PRKX: variants seen among roughly 807,000 people sequenced by gnomAD.
PRKX encodes the protein cAMP-dependent protein kinase catalytic subunit PRKX.
PRKX carries 12 observed loss-of-function variants against 22.0 expected under a neutral mutation model. The observed-to-expected ratio is 0.54, with a 90% CI of 0.35 to 0.88. The LOEUF (loss-of-function observed/expected upper bound fraction) is 0.88. PRKX is among the 40% of genes least tolerant of loss of function. The pLI is 0.01. For missense variants in PRKX, 217 were observed against 308.0 expected, an observed-to-expected ratio of 0.70 and a Z score of 2.21; for synonymous variants, 134 against 137.7, an observed-to-expected ratio of 0.97 and a Z score of 0.19.
chrX:3,665,865 G>A (rs1276048564), intron 2 of PRKX, among the ~76,000 whole-genome samples: 1 of 105,233 alleles, frequency 9.5e-6, no homozygotes, highest in Non-Finnish European at 1.9e-5. Context: ...GGGCAATAAG[G>A]CGTGTTTCAT....
At chrX:3,697,809 G>A (rs964868127) in intron 1 of PRKX, among the ~76,000 whole-genome samples, 1 of 111,433 alleles carries the variant, frequency 9.0e-6, no homozygotes, top group Non-Finnish European at 1.9e-5. Flanking sequence ...CCTCGGCCGC[G>A]CAAAATGCTG....
At chrX:3,623,899 T>C (rs1926609126) in intron 5 of PRKX, among the ~76,000 whole-genome samples, 1 of 112,194 alleles carries the variant, frequency 8.9e-6, no homozygotes, top group Non-Finnish European at 1.9e-5. Context: ...TTGTTTTAAA[T>C]GATATTTATT....
At chrX:3,655,112 G>C (rs1477838092) in intron 3 of PRKX, 37 bp downstream of exon 3, 9 of 1,204,632 alleles carry the variant, frequency 7.5e-6, no homozygotes, top group Non-Finnish European at 9.0e-6. Context: ...TCATTGCCAA[G>C]CAGTGTAGAT....
At chrX:3,708,639 C>A (rs187236283) in intron 1 of PRKX, among the ~76,000 whole-genome samples, 1 of 108,495 alleles carries the variant, frequency 9.2e-6, no homozygotes, top group Non-Finnish European at 1.9e-5. Context: ...CCAAGGCGGG[C>A]GGATCGCCTG....
At chrX:3,683,115 G>T (rs1321874429) in intron 1 of PRKX, among the ~76,000 whole-genome samples, 1 of 112,309 alleles carries the variant, frequency 8.9e-6, no homozygotes, top group Non-Finnish European at 1.9e-5. Context: ...TGCCGCATCT[G>T]CACTTCAGAG....
intron 3 of PRKX, among the ~76,000 whole-genome samples, chrX:3,645,041 G>A (rs1927160446): frequency 8.9e-6 from 1 of 111,743 alleles, no homozygotes; most frequent in Non-Finnish European, 1.9e-5. Context: ...AAGCCCCAAC[G>A]CCTAGCTGAA....
chrX:3,621,128 G>T, intron 6 of PRKX, 131 bp downstream of exon 6: 1 of 496,364 alleles, frequency 2.0e-6, no homozygotes, highest in Non-Finnish European at 3.3e-6. Context: ...TAAAACACCA[G>T]ATTTGAAATT....
At chrX:3,692,719 G>C (rs1041445391) in intron 1 of PRKX, among the ~76,000 whole-genome samples, 2 of 110,625 alleles carry the variant, frequency 1.8e-5, no homozygotes, top group African/African-American at 6.6e-5. Flanking sequence ...AGTAGAGACA[G>C]AGTTTCACCA....
intron 1 of PRKX, among the ~76,000 whole-genome samples, chrX:3,701,949 T>C (rs1350863446): frequency 8.9e-6 from 1 of 112,135 alleles, no homozygotes; most frequent in Non-Finnish European, 1.9e-5. Context: ...GAAATAGCCA[T>C]AAAAATGGGC....
At chrX:3,692,676 C>T (rs1302281163) in intron 1 of PRKX, among the ~76,000 whole-genome samples, 1 of 110,194 alleles carries the variant, frequency 9.1e-6, no homozygotes, top group Non-Finnish European at 1.9e-5. Flanking sequence ...TACAGGCACC[C>T]ACCACCACGC....
At chrX:3,679,326 G>A (rs184939061) in intron 1 of PRKX, among the ~76,000 whole-genome samples, 116 of 112,174 alleles carry the variant, frequency 1.0e-3, no homozygotes, top group African/African-American at 3.4e-3. Context: ...TCTGGCTCTC[G>A]ATTTTTTGCA....
chrX:3,709,817 C>T (rs970846002), intron 1 of PRKX, among the ~76,000 whole-genome samples: 1 of 110,663 alleles, frequency 9.0e-6, no homozygotes, highest in African/African-American at 3.3e-5. Context: ...TAGAGAGGAT[C>T]TCGCTCTATC....
intron 5 of PRKX, among the ~76,000 whole-genome samples, chrX:3,622,200 A>G (rs1016250759): frequency 9.0e-6 from 1 of 110,669 alleles, no homozygotes; most frequent in Non-Finnish European, 1.9e-5. Context: ...AGCTGCTTCA[A>G]TTAGGATGGG....
intron 5 of PRKX, among the ~76,000 whole-genome samples, chrX:3,625,033 T>G (rs1335830306): frequency 9.0e-6 from 1 of 111,556 alleles, no homozygotes; most frequent in African/African-American, 3.3e-5. Context: ...TTCTATTTCC[T>G]TCCAGAGCAG....
rs776731951 is a variant in PRKX at position 3,655,129 on chromosome X, G to A, written c.599+20C>T. Reference sequence around the variant, plus strand: ...ATTGCCAAGCAGTGTAGATTCCATCGGAGTTCACGTTCCTCTTACCTGTCT... The same window carrying A: ...ATTGCCAAGCAGTGTAGATTCCATCAGAGTTCACGTTCCTCTTACCTGTCT... On this transcript the variant is annotated intron_variant, in intron 3 of 8. Transcript: ENST00000262848. 13 of 1,208,632 alleles carry A rather than the reference G, an allele frequency of 1.1e-5. No individual in the cohort carries two copies. The highest frequency in any genetic ancestry group is 3.0e-5 in the East Asian group (1 of 33,730).
rs371017762 is a variant in PRKX, at chrX:3,655,142, C to T, written c.599+7G>A. The stretch of plus-strand genomic sequence containing the variant: ...GTAGATTCCATCGGAGTTCACGTTC[C>T]TCTTACCTGTCTACCAGCTTCTTGG... On this transcript the variant is annotated splice_region_variant and intron_variant, in intron 3 of 8. Transcript: ENST00000262848. 8.3e-7 allele frequency: 1 copy of T among 1,207,395 alleles called. No homozygotes were observed. Among genetic ancestry groups the T allele is most frequent in the African/African-American group, 1.8e-5 (1 of 56,586 alleles).
intron 4 of PRKX, chrX:3,641,440 T>C (rs1164734921): frequency 7.1e-6 from 1 of 140,129 alleles, no homozygotes; most frequent in African/African-American, 3.2e-5. Flanking sequence ...TTTTAAATTC[T>C]TTTTAAGACT....
chrX:3,637,722 G>C (rs767356769), intron 4 of PRKX, among the ~76,000 whole-genome samples: 33 of 111,079 alleles, frequency 3.0e-4, no homozygotes, highest in Non-Finnish European at 5.5e-4. Flanking sequence ...GGCTTTGATT[G>C]GGAGACGGTT....
intron 2 of PRKX, chrX:3,670,070 C>G (rs978977153): frequency 2.4e-5 from 3 of 123,950 alleles, no homozygotes; most frequent in Admixed American, 9.4e-5. Flanking sequence ...CTCCTCCAGC[C>G]ATAAATGGGA....
Sources: gnomAD v4.1 joint callset for allele counts (sites outside exome capture counted in the v4.1 genomes callset) on GRCh38, gnomAD v4.1.1 for gene constraint, MANE v1.5 for transcripts, NCBI Gene and HGNC (gene_info 2026-07-23, HGNC 2026-07-21) for gene names.